The following AUTS2 variants were observed in gnomAD, a reference collection of about 807,000 sequenced individuals.
AUTS2 encodes the protein autism susceptibility gene 2 protein.
AUTS2 carries 17 observed loss-of-function variants against 112.4 expected under a neutral mutation model. The ratio of observed to expected loss-of-function variants is 0.15; its 90% CI spans 0.10 to 0.23. AUTS2 has a LOEUF of 0.23. Ranked by LOEUF, AUTS2 falls within the 10% of genes least tolerant of loss-of-function variation. The pLI is 1.00. For missense variants in AUTS2, 1,510 were observed against 1,701.6 expected, an observed-to-expected ratio of 0.89 and a Z score of 1.98; for synonymous variants, 751 against 702.7, an observed-to-expected ratio of 1.07 and a Z score of -1.09.
intron 4 of AUTS2, among the ~76,000 whole-genome samples, chr7:70,423,392 A>G (rs1795303016): frequency 6.6e-6 from 1 of 152,238 alleles, no homozygotes; most frequent in Non-Finnish European, 1.5e-5. Context: ...AAAGTTTAAA[A>G]TATGTAGCTT....
At chr7:69,608,491 T>C (rs1314497960) in intron 1 of AUTS2, among the ~76,000 whole-genome samples, 1 of 152,238 alleles carries the variant, frequency 6.6e-6, no homozygotes, top group African/African-American at 2.4e-5. Flanking sequence ...TATGTTGAAG[T>C]AGACTTCTTT....
chr7:69,934,848 G>T (rs917863338), intron 2 of AUTS2, among the ~76,000 whole-genome samples: 1 of 152,180 alleles, frequency 6.6e-6, no homozygotes. Context: ...CTTTTGCCCA[G>T]CTGTGCTTGC....
chr7:69,700,873 C>T (rs1404219905), intron 1 of AUTS2, among the ~76,000 whole-genome samples: 1 of 152,160 alleles, frequency 6.6e-6, no homozygotes, highest in African/African-American at 2.4e-5. Flanking sequence ...TCTGGAGCTT[C>T]AGGCTGTCAT....
chr7:69,885,264 G>T (rs1323169713), intron 1 of AUTS2, among the ~76,000 whole-genome samples: 1 of 152,146 alleles, frequency 6.6e-6, no homozygotes, highest in Non-Finnish European at 1.5e-5. Flanking sequence ...GGAATTCAGG[G>T]TCTAGAGTAT....
chr7:70,304,716 A>G (rs1467045530), intron 4 of AUTS2, among the ~76,000 whole-genome samples: 1 of 125,058 alleles, frequency 8.0e-6, no homozygotes, highest in Non-Finnish European at 1.7e-5. Context: ...TGGATTTTTA[A>G]CTTTTTTTTT....
intron 1 of AUTS2, among the ~76,000 whole-genome samples, chr7:69,880,604 C>T (rs1360864029): frequency 2.0e-5 from 3 of 152,142 alleles, no homozygotes; most frequent in Admixed American, 1.3e-4. Context: ...CCTTTCCTTG[C>T]AAATATAATG....
At chr7:69,893,766 A>G (rs778645360) in intron 1 of AUTS2, among the ~76,000 whole-genome samples, 3 of 152,144 alleles carry the variant, frequency 2.0e-5, no homozygotes, top group East Asian at 1.9e-4. Context: ...CTCATTTTCT[A>G]TTGTCTCTGG....
chr7:70,179,923 G>A (rs967146269), intron 4 of AUTS2, among the ~76,000 whole-genome samples: 2 of 152,186 alleles, frequency 1.3e-5, no homozygotes, highest in Non-Finnish European at 2.9e-5. Flanking sequence ...CCCATGGGCT[G>A]TAGCTCTGTG....
At chr7:70,630,314 A>G (rs1008839770) in intron 5 of AUTS2, among the ~76,000 whole-genome samples, 2 of 151,964 alleles carry the variant, frequency 1.3e-5, no homozygotes, top group South Asian at 2.1e-4. Flanking sequence ...AGCACAGCCT[A>G]TTTTCCCTCT....
chr7:70,428,421 A>G (rs1159154806), intron 4 of AUTS2, among the ~76,000 whole-genome samples: 1 of 152,194 alleles, frequency 6.6e-6, no homozygotes, highest in Non-Finnish European at 1.5e-5. Context: ...AAATAAGAAA[A>G]TAAGTGTCAT....
chr7:70,161,810 A>T (rs1019188907), intron 4 of AUTS2, among the ~76,000 whole-genome samples: 1 of 152,070 alleles, frequency 6.6e-6, no homozygotes, highest in African/African-American at 2.4e-5. Context: ...ATAAACCTGC[A>T]GTGACATCCA....
chr7:69,805,761 A>T (rs576308125), intron 1 of AUTS2, among the ~76,000 whole-genome samples: 1 of 152,188 alleles, frequency 6.6e-6, no homozygotes, highest in African/African-American at 2.4e-5. Flanking sequence ...CTCTATGAAG[A>T]TGTATATTGT....
At position 70,763,077 on chromosome 7, in the gene AUTS2, C is replaced by T; in HGVS notation, c.950C>T (p.Ala317Val). Reference sequence around the variant, plus strand: ...CCGCAGACGGAGCCCCAACTCCGAGCTCCTTCTCCGGACCCTGACTTGGTG... The same window carrying T: ...CCGCAGACGGAGCCCCAACTCCGAGTTCCTTCTCCGGACCCTGACTTGGTG... ...PQPQTEPQLR[A>V]PSPDPDLVQR... The change falls in exon 7 of 19, where the codon GCT becomes GTT. Residue 317 changes from alanine to valine, a missense_variant. By Grantham distance (64) the Ala-to-Val change is moderately conservative (BLOSUM62 0). This residue lies in a region of AUTS2 where 535 missense variants were observed against 594.3 expected (regional missense o/e 0.90). Transcript: ENST00000342771. 1 of 1,614,152 alleles carries T rather than the reference C, an allele frequency of 6.2e-7. No individual in the cohort carries two copies. The highest frequency in any genetic ancestry group is 8.5e-7 in the Non-Finnish European group (1 of 1,180,036).
At chr7:69,891,639 T>G (rs555921273) in intron 1 of AUTS2, among the ~76,000 whole-genome samples, 139 of 152,212 alleles carry the variant, frequency 9.1e-4, no homozygotes, top group Non-Finnish European at 1.7e-3. Flanking sequence ...CCACTCTCGG[T>G]AGGGTCATTC....
chr7:70,291,481 C>T (rs1252972337), intron 4 of AUTS2: 1 of 152,138 alleles, frequency 6.6e-6, no homozygotes, highest in Non-Finnish European at 1.5e-5. Context: ...GAAAAGATAA[C>T]TAGCTCCTTA....
At position 70,581,149 on chromosome 7, in the gene AUTS2, G is replaced by A. The variant is rs532842851; in HGVS notation, c.691-117420G>A. 1.9e-4 allele frequency among the ~76,000 whole-genome samples: 29 copies of A among 152,228 alleles called. 1 individual carries two copies. The highest frequency in any genetic ancestry group is 5.1e-4 in the African/African-American group (21 of 41,542). On this transcript the variant is annotated intron_variant, in intron 5 of 18. Coordinates refer to ENST00000342771, the MANE Select transcript of AUTS2 (RefSeq NM_015570.4). ...TGTAATACCAGTACTTTGGGAGGCC[G>A]AGGCGGGCAGATCACCTGAGGTCGG...
chr7:70,536,271 A>G (rs573240300), intron 5 of AUTS2, among the ~76,000 whole-genome samples: 1 of 152,362 alleles, frequency 6.6e-6, no homozygotes, highest in East Asian at 1.9e-4. Flanking sequence ...TATGAGTGAC[A>G]GAGTGAGACT....
chr7:70,740,616 CTTA>C (rs753041146), intron 6 of AUTS2, among the ~76,000 whole-genome samples: 18 of 152,014 alleles, frequency 1.2e-4, no homozygotes, highest in Admixed American at 1.1e-3. Flanking sequence ...CCAAATTCTG[CTTA>C]TTGATAGTTT....
chr7:69,794,605 C>T (rs1367852699), intron 1 of AUTS2, among the ~76,000 whole-genome samples: 1 of 152,076 alleles, frequency 6.6e-6, no homozygotes, highest in African/African-American at 2.4e-5. Context: ...TTCCTTGAAG[C>T]CTCTCCTCTT....
Sources: allele counts gnomAD v4.1 joint callset (sites outside exome capture counted in the v4.1 genomes callset), GRCh38; gene constraint gnomAD v4.1.1; regional missense constraint gnomAD v4.1.1; transcripts MANE v1.5; gene names NCBI Gene and HGNC (gene_info 2026-07-23, HGNC 2026-07-21).